The following NEDD9 variants were observed in gnomAD, a reference collection of about 807,000 sequenced individuals.
NEDD9 encodes neural precursor cell expressed, developmentally down-regulated 9.
In NEDD9, 26 loss-of-function variants were observed where a neutral mutation model predicts 76.6. The ratio of observed to expected loss-of-function variants is 0.34; its 90% CI spans 0.25 to 0.47. NEDD9 has a LOEUF of 0.47. Among genes scored for constraint, NEDD9 ranks in the 20% least tolerant of loss-of-function variants. NEDD9 has a pLI of 1.00. For missense variants in NEDD9, 937 were observed against 1,058.5 expected (o/e 0.89, Z 1.59); for synonymous variants, 392 against 414.2 (o/e 0.95, Z 0.65).
intron 1 of NEDD9, among the ~76,000 whole-genome samples, chr6:11,349,322 G>A (rs920202136): frequency 8.5e-5 from 13 of 152,320 alleles, no homozygotes; most frequent in African/African-American, 3.1e-4. Flanking sequence ...CCATTGGTGG[G>A]AGTGTAAATT....
rs376701334 is a variant in NEDD9, at chr6:11,185,612, C to T, written c.2055G>A (p.Ser685=). Residue 685 remains serine, a synonymous_variant, in exon 7 of 7, where the codon TCG becomes TCA. Transcript: ENST00000379446. ...EITKPVENDI[S]KWKPSQSLPT... ...GTAGGCTCTGAGAGGGCTTCCACTT[C>T]GAGATGTCATTCTCCACGGGCTTTG... 3.9e-5 allele frequency: 63 copies of T among 1,614,088 alleles called. No individual in the cohort carries two copies. The highest frequency in any genetic ancestry group is 2.7e-4 in the East Asian group (12 of 44,902).
At chr6:11,284,391 TAAAAAA>T (rs1168452567) in intron 3 of NEDD9, among the ~76,000 whole-genome samples, 30 of 70,248 alleles carry the variant, frequency 4.3e-4, no homozygotes, top group South Asian at 1.4e-3. Context: ...CCGTCTCTAC[TAAAAAA>T]AAAAAAAAAA....
chr6:11,241,573 T>G lies in NEDD9; in HGVS notation c.13-27846A>C, dbSNP rs1389767779. 6.6e-6 allele frequency among the ~76,000 whole-genome samples: 1 copy of G among 152,142 alleles called. No homozygotes were observed. Among genetic ancestry groups the G allele is most frequent in the Non-Finnish European group, 1.5e-5 (1 of 68,028 alleles). ...AGCGCACACTGGCCTCCGGAAGCCA[T>G]CTTCCACACCAGCCATCCAGCATAG... On this transcript the variant is annotated intron_variant, in intron 3 of 3. Coordinates refer to the NEDD9 transcript ENST00000397378. This position sits in a 1 kb window ranked among gnomAD's most constrained non-coding sequence, Gnocchi z 4.0.
chr6:11,355,943 G>T (rs56015796), intron 1 of NEDD9, among the ~76,000 whole-genome samples: 16 of 152,114 alleles, frequency 1.1e-4, no homozygotes, highest in Admixed American at 3.9e-4. Context: ...GGATGGTCTC[G>T]ATCTCCTGAC....
At chr6:11,347,914 T>C (rs776683750) in intron 1 of NEDD9, among the ~76,000 whole-genome samples, 2 of 152,146 alleles carry the variant, frequency 1.3e-5, no homozygotes, top group East Asian at 1.9e-4. Flanking sequence ...ACCACTCCTA[T>C]GCAACATAGT....
intron 2 of NEDD9, among the ~76,000 whole-genome samples, chr6:11,197,006 C>A (rs1243735924): frequency 6.6e-6 from 1 of 152,094 alleles, no homozygotes; most frequent in Non-Finnish European, 1.5e-5. Context: ...AAGGCTTTTT[C>A]TTGCTGCGTG....
chr6:11,358,246 CAAAAAAAAAAA>C (rs35011508), intron 1 of NEDD9, among the ~76,000 whole-genome samples: 1 of 61,262 alleles, frequency 1.6e-5, no homozygotes, highest in Non-Finnish European at 2.8e-5. Flanking sequence ...AAGACTCCGT[CAAAAAAAAAAA>C]AAAAAAAAAA....
Position 11,189,949 on chromosome 6 carries a change from G to C in NEDD9, c.1905+15C>G, listed in dbSNP as rs559111404. 34 of 1,512,076 alleles carry C rather than the reference G, an allele frequency of 2.2e-5. No individual in the cohort carries two copies. The East Asian group carries it at 7.3e-4, about 32-fold the overall frequency. The allele number at this position is 1,512,076 out of a possible 1,614,324, so 93.7% of individuals were successfully genotyped here. A position where few individuals can be genotyped will look rare whatever the true frequency, so the allele number is the denominator to read the frequency against. On this transcript the variant is annotated intron_variant, in intron 5 of 6. Transcript: ENST00000379446. ...GTGAGTGAGTGTAGGTGTTTTATGA[G>C]TTCCGCTGTTTTACCTGTAGGTGGA...
intron 5 of NEDD9, among the ~76,000 whole-genome samples, chr6:11,189,361 T>A (rs184348541): frequency 9.2e-5 from 14 of 152,268 alleles, no homozygotes; most frequent in Admixed American, 5.9e-4. Flanking sequence ...CAATGTCCCA[T>A]ACACAGATTA....
intron 2 of NEDD9, among the ~76,000 whole-genome samples, chr6:11,308,785 T>C (rs922980686): frequency 8.5e-5 from 13 of 152,216 alleles, no homozygotes; most frequent in Admixed American, 8.5e-4. Context: ...AAATTGTTTT[T>C]TGTCATGCTC....
At chr6:11,325,339 A>G (rs1481089799) in intron 2 of NEDD9, among the ~76,000 whole-genome samples, 4 of 149,308 alleles carry the variant, frequency 2.7e-5, no homozygotes, top group Admixed American at 1.3e-4. Flanking sequence ...TGGGTGACAG[A>G]GAGGGACTCT....
intron 2 of NEDD9, among the ~76,000 whole-genome samples, chr6:11,312,332 C>T (rs901691597): frequency 3.9e-5 from 6 of 152,178 alleles, no homozygotes; most frequent in Admixed American, 2.6e-4. Context: ...CCATCTTCCC[C>T]ATGGCCTCAT....
intron 3 of NEDD9, among the ~76,000 whole-genome samples, chr6:11,301,646 A>G (rs1261443562): frequency 6.6e-6 from 1 of 152,246 alleles, no homozygotes; most frequent in East Asian, 1.9e-4. Context: ...ATGTAAAAGA[A>G]CAGAAACCAC....
At chr6:11,276,582 C>A (rs1226482719) in intron 3 of NEDD9, among the ~76,000 whole-genome samples, 1 of 152,134 alleles carries the variant, frequency 6.6e-6, no homozygotes, top group Non-Finnish European at 1.5e-5. Flanking sequence ...CCACCTGAAC[C>A]CAAATCAGTG....
At chr6:11,283,795 G>A (rs1372641569) in intron 3 of NEDD9, among the ~76,000 whole-genome samples, 3 of 152,168 alleles carry the variant, frequency 2.0e-5, no homozygotes, top group East Asian at 3.9e-4. Context: ...CACAGAAATG[G>A]ATTTCCAATT....
chr6:11,319,184 C>T (rs1166029671), intron 2 of NEDD9, among the ~76,000 whole-genome samples: 1 of 152,252 alleles, frequency 6.6e-6, no homozygotes, highest in Non-Finnish European at 1.5e-5. Flanking sequence ...GCGGGACCCA[C>T]ATTTCAGCTT....
At chr6:11,215,050 G>C (rs116395682) in intron 1 of NEDD9, among the ~76,000 whole-genome samples, 1,971 of 152,190 alleles carry the variant, frequency 0.013, 38 homozygotes, top group African/African-American at 0.045. Flanking sequence ...CACTACTCGC[G>C]TCCCCTTGTG....
At chr6:11,245,335 C>T (rs1019276912) in intron 3 of NEDD9, among the ~76,000 whole-genome samples, 1 of 152,196 alleles carries the variant, frequency 6.6e-6, no homozygotes, top group African/African-American at 2.4e-5. Flanking sequence ...TAATCCACAG[C>T]TTTAACAATG....
intron 3 of NEDD9, among the ~76,000 whole-genome samples, chr6:11,246,396 G>T (rs1759808710): frequency 6.6e-6 from 1 of 152,038 alleles, no homozygotes; most frequent in African/African-American, 2.4e-5. Flanking sequence ...AAGGCAGATG[G>T]ATCCCAGGGC....
Sources: gnomAD v4.1 joint callset for allele counts (sites outside exome capture counted in the v4.1 genomes callset) on GRCh38, gnomAD v4.1.1 for gene constraint, Gnocchi (gnomAD v3.1) non-coding constraint, MANE v1.5 for transcripts, NCBI Gene and HGNC (gene_info 2026-07-23, HGNC 2026-07-21) for gene names.